The following MYO15B variants were observed in gnomAD, a reference collection of about 807,000 sequenced individuals.
MYO15B encodes the protein myosin XVB pseudogene.
Under a neutral mutation model 119.3 loss-of-function variants are expected in MYO15B, and 207 were observed. The observed-to-expected ratio is 1.73, with a 90% CI of 1.55 to 1.95. MYO15B has a LOEUF of 1.95. MYO15B is among the 30% of genes most tolerant of loss of function. MYO15B has a pLI of 0.00. For missense variants in MYO15B, 2,264 were observed against 1,203.1 expected (o/e 1.88, Z -13.04); for synonymous variants, 966 against 498.9 (o/e 1.94, Z -12.48).
chr17:75,595,282 G>A (rs1354585618), intron 12 of MYO15B, among the ~76,000 whole-genome samples: 5 of 152,140 alleles, frequency 3.3e-5, no homozygotes, highest in African/African-American at 1.2e-4. Context: ...CCACACCCAC[G>A]TTCATCCAAG....
In MYO15B at chr17:75,610,977, T is replaced by TG. The variant is rs1219881983; in HGVS notation, c.4446+24dup. On this transcript the variant is annotated intron_variant, in intron 23 of 63. Coordinates refer to ENST00000645453, the Ensembl canonical transcript of MYO15B. ...CAAGCATGGTAGGTGGCCTGGAAAG[T>TG]GGGGGGTTTTACATGGGGCTATGAA... 2 of 702,662 alleles carry TG rather than the reference T, an allele frequency of 2.8e-6. No individual in the cohort carries two copies. Among genetic ancestry groups the TG allele is most frequent in the East Asian group, 2.7e-5 (1 of 37,264 alleles). The allele number at this position is 702,662 out of a possible 1,614,324, so 43.5% of individuals were successfully genotyped here.
At chr17:75,615,745 A>AGCAGCG (rs2058332804) in exon 36 of MYO15B, 1 of 700,596 alleles carries the variant, frequency 1.4e-6, no homozygotes, top group Non-Finnish European at 2.6e-6. Context: ...CAGCAGATGC[A>AGCAGCG]GCAGCGGCAG....
In MYO15B at chr17:75,622,138, A is replaced by T. The variant is rs548510349; in HGVS notation, c.8082+58A>T. On this transcript the variant is annotated intron_variant, in intron 53 of 63. Coordinates refer to ENST00000645453, the Ensembl canonical transcript of MYO15B. ...TGCCTGTCCTCCTGTCTGGGCCTGA[A>T]GGAGATCCCCTTCTCTTGGTCACTG... The T allele has an allele frequency of 1.2e-4, 87 of 696,028 alleles. 1 individual carries two copies. In the South Asian group the frequency reaches 1.3e-3, roughly 10 times the overall value. The allele number at this position is 696,028 out of a possible 1,614,324, so 43.1% of individuals were successfully genotyped here.
exon 64 of MYO15B, chr17:75,626,623 T>C: frequency 9.4e-6 from 6 of 635,928 alleles, no homozygotes; most frequent in South Asian, 8.8e-5. Context: ...ATGCAGGCCA[T>C]GAGGCAGGGG....
intron 14 of MYO15B, among the ~76,000 whole-genome samples, chr17:75,597,733 T>A (rs188107606): frequency 6.6e-6 from 1 of 151,982 alleles, no homozygotes; most frequent in Non-Finnish European, 1.5e-5. Context: ...GAGACCAACA[T>A]GAAAAAACCC....
intron 35 of MYO15B, 39 bp from the exon 36 acceptor site, chr17:75,615,654 G>A (rs1182640392): frequency 1.2e-5 from 8 of 669,552 alleles, no homozygotes; most frequent in Admixed American, 2.1e-5. Flanking sequence ...TCTGTGGCTC[G>A]GGGATGAGGG....
At chr17:75,620,439 G>T (rs748006369) in intron 48 of MYO15B, 28 bp from the exon 49 acceptor site, 1 of 702,584 alleles carries the variant, frequency 1.4e-6, no homozygotes, top group South Asian at 1.5e-5. Context: ...GGTCCAGTGG[G>T]TGAGCCACAT....
At chr17:75,626,140 G>T in exon 63 of MYO15B, 2 of 703,098 alleles carry the variant, frequency 2.8e-6, no homozygotes, top group Non-Finnish European at 5.2e-6. Flanking sequence ...CACCTGCTAA[G>T]CCCTCTGGAG....
At chr17:75,588,162 C>A (rs2056182666) in exon 1 of MYO15B, 1 of 397,926 alleles carries the variant, frequency 2.5e-6, no homozygotes, top group Non-Finnish European at 4.4e-6. Context: ...GCGCGCCCAG[C>A]CGGGAACGCC....
chr17:75,600,829 C>T (rs1270235895), intron 14 of MYO15B: 2 of 150,324 alleles, frequency 1.3e-5, no homozygotes. Flanking sequence ...CTCAGGTGAT[C>T]CACCTGCCTT....
exon 41 of MYO15B, chr17:75,617,229 C>A (rs748369015): frequency 1.4e-6 from 1 of 698,002 alleles, no homozygotes; most frequent in South Asian, 1.5e-5. Context: ...GCCTATTGCC[C>A]ACACACCCCC....
At chr17:75,602,772 C>T in intron 16 of MYO15B, 58 bp from the exon 17 acceptor site, 3 of 605,530 alleles carry the variant, frequency 5.0e-6, no homozygotes, top group Non-Finnish European at 5.9e-6. Context: ...CTCTCCCGGG[C>T]TGCAGGGTGG....
chr17:75,616,887 T>C (rs1272006242), exon 40 of MYO15B: 1 of 703,014 alleles, frequency 1.4e-6, no homozygotes, highest in Admixed American at 2.0e-5. Context: ...TCCCAAAGCT[T>C]TCCTGAGGAA....
chr17:75,618,209 C>T (rs1464116203), intron 43 of MYO15B, 24 bp downstream of exon 43: 2 of 703,006 alleles, frequency 2.8e-6, no homozygotes, highest in South Asian at 3.0e-5. Context: ...CACCTGCCAG[C>T]CTGAGACATC....
At chr17:75,602,840 G>T in exon 17 of MYO15B, 1 of 630,138 alleles carries the variant, frequency 1.6e-6, no homozygotes, top group South Asian at 1.8e-5. Context: ...CTGGTGGGCA[G>T]CCTGTTCCAG....
At chr17:75,614,727 G>GC (rs1185876991) in intron 31 of MYO15B, 44 bp downstream of exon 31, 2 of 702,598 alleles carry the variant, frequency 2.8e-6, no homozygotes, top group African/African-American at 3.5e-5. Flanking sequence ...AGCATGGGAA[G>GC]CCCCACGCCC....
chr17:75,597,998 G>A (rs1263463474), intron 14 of MYO15B, among the ~76,000 whole-genome samples: 1 of 152,146 alleles, frequency 6.6e-6, no homozygotes, highest in Non-Finnish European at 1.5e-5. Context: ...GGGTGGGCGT[G>A]TGGGGCAGGG....
chr17:75,590,956 C>T (rs750967901), exon 3 of MYO15B: 33 of 562,058 alleles, frequency 5.9e-5, no homozygotes, highest in Admixed American at 1.2e-4. Flanking sequence ...CGGTCCTTGC[C>T]TCTTTTTTCA....
At chr17:75,614,332 C>T (rs890004134) in exon 30 of MYO15B, 5 of 702,834 alleles carry the variant, frequency 7.1e-6, no homozygotes, top group Admixed American at 2.0e-5. Context: ...AGCTCGCCCC[C>T]GCAGCTACCC....
Sources: gnomAD v4.1 joint callset for allele counts (sites outside exome capture counted in the v4.1 genomes callset) on GRCh38, gnomAD v4.1.1 for gene constraint, MANE v1.5 for transcripts, NCBI Gene and HGNC (gene_info 2026-07-23, HGNC 2026-07-21) for gene names.